Variants in NOBOX observed in about 807,000 individuals in gnomAD.
NOBOX encodes the protein homeobox protein NOBOX.
Under a neutral mutation model 60.2 loss-of-function variants are expected in NOBOX, and 46 were observed. That is an observed-to-expected ratio of 0.76 (90% CI 0.60 to 0.98). The LOEUF is 0.98. NOBOX is among the 50% of genes least tolerant of loss of function. The probability of loss-of-function intolerance (pLI) is 0.00; values close to 1 mark genes in which losing one functional copy is unlikely to be tolerated. For missense variants in NOBOX, 880 were observed against 865.5 expected (o/e 1.02, Z -0.21); for synonymous variants, 360 against 346.3 (o/e 1.04, Z -0.44).
intron 1 of NOBOX, chr7:144,404,704 G>C (rs778571313): frequency 1.2e-6 from 2 of 1,610,778 alleles, no homozygotes; most frequent in African/African-American, 1.3e-5. Context: ...TGTGGTTACT[G>C]TGTTTCCATC....
chr7:144,397,253 C>A lies in NOBOX; in HGVS notation c.2063G>T (p.Ser688Ile). 1 of 1,532,336 alleles carries A rather than the reference C, an allele frequency of 6.5e-7. No homozygotes were observed. Among genetic ancestry groups the A allele is most frequent in the Non-Finnish European group, 8.7e-7 (1 of 1,143,068 alleles). 94.9% of individuals were successfully genotyped at this position (1,532,336 alleles called of 1,614,324 possible). A position where few individuals can be genotyped will look rare whatever the true frequency, so the allele number is the denominator to read the frequency against. ...TTGACCCCCCAACTAGGGGACATGG[C>A]TATTCTTGTCATCCCCTCTGGCCTC... Residue 688 changes from serine to isoleucine, a missense_variant, in exon 10 of 10, where the codon AGC becomes ATC. Physicochemically the swap from Ser to Ile is moderately radical, Grantham distance 142. Coordinates refer to ENST00000467773, the MANE Select transcript of NOBOX (RefSeq NM_001080413.3).
chr7:144,400,196 C>T lies in NOBOX; in HGVS notation c.961G>A (p.Ala321Thr), dbSNP rs537335592. 3.1e-6 allele frequency: 5 copies of T among 1,614,030 alleles called. No homozygotes were observed. Among genetic ancestry groups the T allele is most frequent in the Admixed American group, 1.7e-5 (1 of 60,032 alleles). ...CTCCACCCTGCCACCAGTGAGCCGGCCCCCTTTACCATGATGCGCTGGGGG... is the reference window on the plus strand; with the variant it reads ...CTCCACCCTGCCACCAGTGAGCCGGTCCCCTTTACCATGATGCGCTGGGGG... The change falls in exon 5 of 10, where the codon GCC (alanine) becomes ACC (threonine). Residue 321 changes from alanine to threonine, a missense_variant. Coordinates refer to ENST00000467773, the MANE Select transcript of NOBOX (RefSeq NM_001080413.3).
intron 2 of NOBOX, among the ~76,000 whole-genome samples, chr7:144,402,852 G>A (rs767909478): frequency 1.3e-5 from 2 of 148,444 alleles, no homozygotes; most frequent in Non-Finnish European, 3.0e-5. Context: ...GGCCCCCTGG[G>A]TTCAAGCGAT....
rs761048012 is a variant in NOBOX, at chr7:144,401,339, T to A, written c.551A>T (p.Asp184Val). The A allele has an allele frequency of 6.2e-7, 1 of 1,613,724 alleles. No individual in the cohort carries two copies. Among genetic ancestry groups the A allele is most frequent in the Non-Finnish European group, 8.5e-7 (1 of 1,179,766 alleles). The stretch of plus-strand genomic sequence containing the variant: ...CACCTCTCCCACTGGGAGGGAACAA[T>A]CTTCCCCCTGAGTCTGGGGCCTGGA... Residue 184 changes from aspartate to valine, a missense_variant, in exon 4 of 10, where the codon GAT becomes GTT. Transcript: ENST00000467773. This position sits in a 1 kb window ranked among gnomAD's most constrained non-coding sequence, Gnocchi z 4.2.
intron 7 of NOBOX, 61 bp from the exon 6 acceptor site, chr7:144,399,239 C>A: frequency 1.0e-6 from 1 of 979,240 alleles, no homozygotes; most frequent in Non-Finnish European, 1.6e-6. Flanking sequence ...GGTTTGGCAT[C>A]GCTGAATGGT....
chr7:144,399,127 C>T lies in NOBOX; in HGVS notation c.1292G>A (p.Ser431Asn), dbSNP rs189951072. ...GGTCACCACCCTCTGAGCACCCTCA[C>T]TGGGTTGGGTGGGGGCCAAAGTCTG... The change falls in exon 8 of 10, where the codon AGT (serine) becomes AAT (asparagine). Residue 431 changes from serine (S) to asparagine (N), a missense_variant. Coordinates refer to ENST00000467773, the MANE Select transcript of NOBOX (RefSeq NM_001080413.3). 5 of 1,575,956 alleles carry T rather than the reference C, an allele frequency of 3.2e-6. No individual in the cohort carries two copies. The highest frequency in any genetic ancestry group is 1.3e-5 in the African/African-American group (1 of 74,334).
At chr7:144,404,142 G>A (rs111750137) in intron 2 of NOBOX, among the ~76,000 whole-genome samples, 1 of 152,326 alleles carries the variant, frequency 6.6e-6, no homozygotes, top group East Asian at 1.9e-4. Flanking sequence ...TGTGGAAGGC[G>A]ATTTCTAGAG....
chr7:144,397,975 T>C (rs1215565855), intron 9 of NOBOX, among the ~76,000 whole-genome samples: 3 of 152,172 alleles, frequency 2.0e-5, no homozygotes, highest in Non-Finnish European at 2.9e-5. Context: ...AGTCCCTCCC[T>C]GACATAGAAC....
chr7:144,403,963 T>G lies in NOBOX; in HGVS notation c.210+593A>C, dbSNP rs527644602. ...CCAGGAGCCCAGGCCCAGGTGCGGG[T>G]CTCCTTCAGGCGGCCCCTCCCGTGG... On this transcript the variant is annotated intron_variant, in intron 2 of 9. Transcript: ENST00000467773. Among the ~76,000 whole-genome samples, 4 of 151,894 alleles carry G rather than the reference T, an allele frequency of 2.6e-5. No homozygotes were observed. In the South Asian group the frequency reaches 8.3e-4, roughly 32 times the overall value.
rs774572683 is a variant in NOBOX, at chr7:144,397,379, G to A, written c.1937C>T (p.Ser646Leu). ...TGGTCTGGCCCCTTCAGGCATCCAT[G>A]AGAGAGCTGACGAAGGCTGCCTGCC... Residue 646 changes from serine to leucine, a missense_variant, in exon 10 of 10, where the codon TCA becomes TTA. Coordinates refer to ENST00000467773, the MANE Select transcript of NOBOX (RefSeq NM_001080413.3). The A allele has an allele frequency of 3.9e-6, 6 of 1,537,132 alleles. No individual in the cohort carries two copies. In the South Asian group the frequency reaches 5.9e-5, roughly 15 times the overall value.
At position 144,404,594 on chromosome 7, in the gene NOBOX, T is replaced by A; in HGVS notation, c.172A>T (p.Ile58Phe). ...TCCAGAGCACAAAGGCTGCACCGGA[T>A]GATGAAGAAGGAGCTGAAAGAGCCA... is the stretch of plus-strand genomic sequence containing the variant. Residue 58 changes from isoleucine (I) to phenylalanine (F), a missense_variant, in exon 2 of 10, where the codon ATC becomes TTC. By Grantham distance (21) the Ile-to-Phe change is conservative. Transcript: ENST00000467773. The A allele has an allele frequency of 6.2e-7, 1 of 1,613,712 alleles. No homozygotes were observed. Among genetic ancestry groups the A allele is most frequent in the South Asian group, 1.1e-5 (1 of 90,952 alleles).
At chr7:144,403,961 G>C (rs1016043171) in intron 2 of NOBOX, among the ~76,000 whole-genome samples, 1 of 152,106 alleles carries the variant, frequency 6.6e-6, no homozygotes, top group Admixed American at 6.5e-5. Flanking sequence ...CCCAGGTGCG[G>C]GTCTCCTTCA....
intron 1 of NOBOX, among the ~76,000 whole-genome samples, chr7:144,407,463 G>T (rs527932656): frequency 6.6e-6 from 1 of 152,202 alleles, no homozygotes; most frequent in African/African-American, 2.4e-5. Flanking sequence ...TGGGAGGTCA[G>T]GGCCCCCGGA....
chr7:144,405,506 A>C (rs1208168), intron 1 of NOBOX, among the ~76,000 whole-genome samples: 5,628 of 152,262 alleles, frequency 0.037, 150 homozygotes, highest in Non-Finnish European at 0.058. Context: ...CTTCTGGACT[A>C]GGATGGAAGC....
Position 144,400,097 on chromosome 7 carries a change from A to G in NOBOX, c.1047+13T>C, listed in dbSNP as rs1184669605. Reference sequence around the variant, plus strand: ...GGACACAGCCACGTCTGAGGCCTCAATTCAGCTCCTACCCAGGCTACCGCT... The same window carrying G: ...GGACACAGCCACGTCTGAGGCCTCAGTTCAGCTCCTACCCAGGCTACCGCT... On this transcript the variant is annotated intron_variant, in intron 5 of 9. Coordinates refer to ENST00000467773, the MANE Select transcript of NOBOX (RefSeq NM_001080413.3). 7 of 1,609,876 alleles carry G rather than the reference A, an allele frequency of 4.3e-6. No individual in the cohort carries two copies. The African/African-American group carries it at 5.3e-5, about 12-fold the overall frequency.
chr7:144,404,458 A>G, intron 2 of NOBOX: 1 of 1,029,906 alleles, frequency 9.7e-7, no homozygotes, highest in Non-Finnish European at 1.5e-6. Context: ...CACGTTGGCT[A>G]GGCTGGGCTA....
chr7:144,397,780 T>C (rs1018791551), intron 9 of NOBOX, among the ~76,000 whole-genome samples: 1 of 152,182 alleles, frequency 6.6e-6, no homozygotes, highest in Admixed American at 6.5e-5. Context: ...ATCAGGCCAA[T>C]GCTGTTTCGT....
intron 2 of NOBOX, among the ~76,000 whole-genome samples, chr7:144,404,392 C>T (rs1468272920): frequency 1.3e-5 from 2 of 152,188 alleles, no homozygotes; most frequent in Non-Finnish European, 2.9e-5. Flanking sequence ...GGACTACAGG[C>T]GCCCGCCACC....
At chr7:144,398,846 T>A in intron 8 of NOBOX, 104 bp downstream of exon 6, 1 of 690,176 alleles carries the variant, frequency 1.4e-6, no homozygotes. Context: ...CACTCTGTGC[T>A]CCTCTCAGTT....
Sources: gnomAD v4.1 joint callset for allele counts (sites outside exome capture counted in the v4.1 genomes callset) on GRCh38, gnomAD v4.1.1 for gene constraint, Gnocchi (gnomAD v3.1) non-coding constraint, MANE v1.5 for transcripts, NCBI Gene and HGNC (gene_info 2026-07-23, HGNC 2026-07-21) for gene names.